Variants in GALM observed in about 807,000 individuals in gnomAD.
GALM encodes the protein aldose 1-epimerase.
In GALM, 43 loss-of-function variants were observed where a neutral mutation model predicts 37.4. The ratio of observed to expected loss-of-function variants is 1.15; its 90% confidence interval spans 0.90 to 1.48. The LOEUF is 1.48. GALM is among the 40% of genes most tolerant of loss of function. The probability of loss-of-function intolerance (pLI) is 0.00; values close to 1 mark genes in which losing one functional copy is unlikely to be tolerated. For synonymous variants in GALM, 199 were observed against 170.6 expected (o/e 1.17, Z -1.30); for missense variants, 456 against 419.1 (o/e 1.09, Z -0.77).
intron 4 of GALM, among the ~76,000 whole-genome samples, chr2:38,728,203 G>A (rs532264789): frequency 2.2e-4 from 34 of 152,154 alleles, no homozygotes; most frequent in Admixed American, 1.1e-3. Context: ...AGACTAGCCT[G>A]GCCAACATGG....
intron 3 of GALM, among the ~76,000 whole-genome samples, chr2:38,683,374 C>G (rs1465711028): frequency 6.6e-6 from 1 of 152,126 alleles, no homozygotes; most frequent in Non-Finnish European, 1.5e-5. Context: ...TATCCCTTAT[C>G]CAAAATACTT....
At chr2:38,699,024 C>T (rs192621461) in intron 4 of GALM, among the ~76,000 whole-genome samples, 3 of 152,326 alleles carry the variant, frequency 2.0e-5, no homozygotes, top group African/African-American at 7.2e-5. Flanking sequence ...AGCAATTCTC[C>T]TGCCTCAGCC....
At chr2:38,684,040 C>T (rs1665466158) in intron 3 of GALM, among the ~76,000 whole-genome samples, 1 of 152,154 alleles carries the variant, frequency 6.6e-6, no homozygotes, top group Non-Finnish European at 1.5e-5. Flanking sequence ...GCCTCTGCAT[C>T]TTCAGAATAT....
chr2:38,666,670 G>A (rs1664949090), intron 1 of GALM, among the ~76,000 whole-genome samples: 1 of 152,224 alleles, frequency 6.6e-6, no homozygotes, highest in Non-Finnish European at 1.5e-5. Context: ...TCTTTGAACT[G>A]CCTGATACCT....
chr2:38,668,821 T>TTTTAAATTTA (rs1665019813), intron 1 of GALM: 1 of 151,762 alleles, frequency 6.6e-6, no homozygotes, highest in African/African-American at 2.4e-5. Flanking sequence ...AAAATTTTTT[T>TTTTAAATTTA]AAATACTTGA....
At chr2:38,693,129 C>T (rs1381277283) in intron 4 of GALM, among the ~76,000 whole-genome samples, 9 of 152,290 alleles carry the variant, frequency 5.9e-5, no homozygotes, top group African/African-American at 1.7e-4. Flanking sequence ...CAAACTTCAG[C>T]GTGTTCTGCC....
chr2:38,708,556 A>T (rs892292809), intron 4 of GALM, among the ~76,000 whole-genome samples: 1 of 152,070 alleles, frequency 6.6e-6, no homozygotes, highest in Non-Finnish European at 1.5e-5. Context: ...CCCAGCTAAC[A>T]TGGTGAAACC....
At chr2:38,713,966 G>C (rs1325345055) in intron 4 of GALM, among the ~76,000 whole-genome samples, 1 of 151,516 alleles carries the variant, frequency 6.6e-6, no homozygotes, top group Non-Finnish European at 1.5e-5. Context: ...AGTTCTATAG[G>C]CCTCATCCAA....
chr2:38,728,768 C>T (rs917158812), intron 4 of GALM, among the ~76,000 whole-genome samples: 4 of 152,220 alleles, frequency 2.6e-5, no homozygotes, highest in Non-Finnish European at 5.9e-5. Flanking sequence ...TTCTTTTCCT[C>T]TTCAAGAAAA....
rs887870882 is a variant in GALM, at chr2:38,731,761, T to G, written c.803T>G (p.Val268Gly). Residue 268 changes from valine to glycine, a missense_variant, in exon 6 of 7, where the codon GTA (valine) becomes GGA (glycine). By Grantham distance (109) the Val-to-Gly change is moderately radical (BLOSUM62 -3). Coordinates refer to ENST00000272252, the MANE Select transcript of GALM (RefSeq NM_138801.3). ...ARVHHAASGR[V>G]LEVYTTQPGV... ...GTGCATCATGCTGCAAGCGGGCGGG[T>G]ACTAGAAGTATACACCACCCAGCCC... 2 of 1,613,810 alleles carry G rather than the reference T, an allele frequency of 1.2e-6. No homozygotes were observed. Among genetic ancestry groups the G allele is most frequent in the Non-Finnish European group, 1.7e-6 (2 of 1,179,920 alleles).
chr2:38,733,744 C>T lies in GALM; in HGVS notation c.*179C>T. ...TCCTTTTCCAGTGACTGGCTCCAGG[C>T]CATGTCTAATGACCAGCTCGATTCC... On this transcript the variant is annotated 3_prime_UTR_variant, in exon 7 of 7. Coordinates refer to ENST00000272252, the MANE Select transcript of GALM (RefSeq NM_138801.3). 2 of 608,726 alleles carry T rather than the reference C, an allele frequency of 3.3e-6. No individual in the cohort carries two copies. Among genetic ancestry groups the T allele is most frequent in the Non-Finnish European group, 6.0e-6 (2 of 332,312 alleles). The allele number at this position is 608,726 out of a possible 1,614,324, so 37.7% of individuals were successfully genotyped here.
Position 38,671,471 on chromosome 2 carries a change from C to T in GALM, c.191-4441C>T, listed in dbSNP as rs975506111. ...AGACAGAAAGGAGGGGAAATTGCCA[C>T]TTTTAAATCATCAGCTCTCGTGAGA... On this transcript the variant is annotated intron_variant, in intron 1 of 6. Transcript: ENST00000272252. 2.6e-5 allele frequency: 4 copies of T among 152,160 alleles called. No individual in the cohort carries two copies. The South Asian group carries it at 8.3e-4, about 32-fold the overall frequency. The allele number at this position is 152,160 out of a possible 1,614,324, so 9.4% of individuals were successfully genotyped here.
At chr2:38,687,343 T>C (rs1276297479) in intron 3 of GALM, among the ~76,000 whole-genome samples, 1 of 152,154 alleles carries the variant, frequency 6.6e-6, no homozygotes, top group African/African-American at 2.4e-5. Context: ...AGGAGAGGCC[T>C]TTGCCCTGGC....
intron 4 of GALM, among the ~76,000 whole-genome samples, chr2:38,697,098 C>G (rs1010955206): frequency 2.6e-5 from 4 of 152,104 alleles, no homozygotes; most frequent in African/African-American, 9.7e-5. Context: ...CCCCCAAGAA[C>G]TCTTCAAATG....
intron 3 of GALM, among the ~76,000 whole-genome samples, chr2:38,686,218 A>AAATT: frequency 1.1e-5 from 1 of 91,902 alleles, no homozygotes; most frequent in East Asian, 3.7e-4. Flanking sequence ...CAGAAAGTGG[A>AAATT]AATTTCTTTC....
intron 4 of GALM, among the ~76,000 whole-genome samples, chr2:38,699,797 G>A (rs1162145720): frequency 1.3e-5 from 2 of 152,100 alleles, no homozygotes; most frequent in East Asian, 1.9e-4. Context: ...AAAGATACTC[G>A]ATATAATTTC....
At chr2:38,714,009 A>G (rs1446975653) in intron 4 of GALM, among the ~76,000 whole-genome samples, 1 of 151,904 alleles carries the variant, frequency 6.6e-6, no homozygotes, top group East Asian at 1.9e-4. Context: ...ATTGGTTGTG[A>G]CAACTAAATA....
intron 4 of GALM, among the ~76,000 whole-genome samples, chr2:38,727,830 A>G (rs1021048019): frequency 2.0e-5 from 3 of 152,154 alleles, no homozygotes; most frequent in African/African-American, 7.2e-5. Flanking sequence ...AGCAGAACCA[A>G]ATGTTTTAAA....
In GALM at chr2:38,705,936, G is replaced by A. The variant is rs151078494; in HGVS notation, c.634+16042G>A. ...TCCGGGTTCAGTGGTCCAACTTCCCGCTCTGGGTTCAAGCTATTCTCCCAC... is the reference window on the plus strand; with the variant it reads ...TCCGGGTTCAGTGGTCCAACTTCCCACTCTGGGTTCAAGCTATTCTCCCAC... On this transcript the variant is annotated intron_variant, in intron 4 of 6. Coordinates refer to ENST00000272252, the MANE Select transcript of GALM (RefSeq NM_138801.3). Among the ~76,000 whole-genome samples, 453 of 151,994 alleles carry A rather than the reference G, an allele frequency of 3.0e-3. 4 individuals are homozygous for A. The highest frequency in any genetic ancestry group is 9.1e-3 in the African/African-American group (378 of 41,482).
Sources: allele counts gnomAD v4.1 joint callset (sites outside exome capture counted in the v4.1 genomes callset), GRCh38; gene constraint gnomAD v4.1.1; transcripts MANE v1.5; gene names NCBI Gene and HGNC (gene_info 2026-07-23, HGNC 2026-07-21).